Variants in CHRM3 observed in about 807,000 individuals in gnomAD.
CHRM3 encodes the protein cholinergic receptor muscarinic 3.
CHRM3 carries 11 observed loss-of-function variants against 41.8 expected under a neutral mutation model. That is an observed-to-expected ratio of 0.26 (90% CI 0.17 to 0.44). The LOEUF (loss-of-function observed/expected upper bound fraction) is 0.44. Ranked by LOEUF, CHRM3 falls within the 20% of genes least tolerant of loss-of-function variation. CHRM3 has a pLI of 1.00. For synonymous variants in CHRM3, 297 were observed against 301.4 expected, an observed-to-expected ratio of 0.99 and a Z score of 0.15; for missense variants, 571 against 745.4, an observed-to-expected ratio of 0.77 and a Z score of 2.72.
intron 4 of CHRM3, among the ~76,000 whole-genome samples, chr1:239,644,049 A>T (rs896490593): frequency 6.6e-6 from 1 of 152,246 alleles, no homozygotes; most frequent in Non-Finnish European, 1.5e-5. Flanking sequence ...AACAGCTATT[A>T]CTTTCTTTCA....
In CHRM3 at chr1:239,429,445, G is replaced by A. The variant is rs1421072616; in HGVS notation, c.-521+42218G>A. Among the ~76,000 whole-genome samples the A allele has an allele frequency of 3.9e-5, 6 of 152,152 alleles. No homozygotes were observed. The East Asian group carries it at 5.8e-4, about 15-fold the overall frequency. ...ATCTGTGATTTATTTCAATCTAATC[G>A]TGATTTACTATAATTCTGTACTTCA... On this transcript the variant is annotated intron_variant, in intron 1 of 6. Coordinates refer to ENST00000676153, the MANE Select transcript of CHRM3 (RefSeq NM_001375978.1).
chr1:239,509,934 C>T (rs531789497), intron 2 of CHRM3, among the ~76,000 whole-genome samples: 4 of 152,142 alleles, frequency 2.6e-5, no homozygotes, highest in African/African-American at 7.2e-5. Flanking sequence ...TTAAAAAATA[C>T]CAAAATTAAC....
At chr1:239,491,060 C>T (rs1667520597) in intron 1 of CHRM3, among the ~76,000 whole-genome samples, 1 of 152,014 alleles carries the variant, frequency 6.6e-6, no homozygotes, top group Non-Finnish European at 1.5e-5. Context: ...GTTTTTAATT[C>T]ACACATCATA....
intron 5 of CHRM3, among the ~76,000 whole-genome samples, chr1:239,692,110 A>C (rs905329987): frequency 4.6e-5 from 7 of 152,306 alleles, no homozygotes; most frequent in African/African-American, 1.7e-4. Context: ...CTTGAGCAAA[A>C]CAGTAATATC....
chr1:239,596,021 C>G (rs1360638556), intron 3 of CHRM3, among the ~76,000 whole-genome samples: 1 of 152,114 alleles, frequency 6.6e-6, no homozygotes, highest in African/African-American at 2.4e-5. Flanking sequence ...ACAAAATCCA[C>G]TTTTAAGTGT....
chr1:239,854,404 C>T (rs1674943341), intron 6 of CHRM3, among the ~76,000 whole-genome samples: 1 of 152,042 alleles, frequency 6.6e-6, no homozygotes, highest in Non-Finnish European at 1.5e-5. Flanking sequence ...CAACAAAAAA[C>T]AATCCTTCTG....
chr1:239,684,297 A>G (rs2149109695), intron 5 of CHRM3, among the ~76,000 whole-genome samples: 1 of 152,260 alleles, frequency 6.6e-6, no homozygotes, highest in Non-Finnish European at 1.5e-5. Context: ...CATGCACAGG[A>G]CAGTCCCCCA....
chr1:239,809,105 C>T (rs928504326), intron 5 of CHRM3, among the ~76,000 whole-genome samples: 7 of 150,972 alleles, frequency 4.6e-5, no homozygotes, highest in African/African-American at 7.3e-5. Flanking sequence ...CTGCAAGCTC[C>T]GCCTCCCGGG....
intron 2 of CHRM3, among the ~76,000 whole-genome samples, chr1:239,513,362 C>T (rs555005558): frequency 7.3e-4 from 111 of 151,982 alleles, no homozygotes; most frequent in Non-Finnish European, 1.4e-3. Context: ...GTTGTTTTAA[C>T]TTGGAATTTC....
At chr1:239,857,554 T>C (rs544698849) in intron 6 of CHRM3, among the ~76,000 whole-genome samples, 4 of 152,272 alleles carry the variant, frequency 2.6e-5, no homozygotes, top group African/African-American at 7.2e-5. Context: ...CTTTTTAAAG[T>C]TTATCTTATA....
At chr1:239,495,232 A>G (rs1472258112) in intron 2 of CHRM3, among the ~76,000 whole-genome samples, 1 of 152,188 alleles carries the variant, frequency 6.6e-6, no homozygotes, top group Admixed American at 6.6e-5. Context: ...GAAACCCACA[A>G]AAAGGAGGGT....
chr1:239,641,813 GT>G (rs1671188604), intron 4 of CHRM3, among the ~76,000 whole-genome samples: 1 of 127,918 alleles, frequency 7.8e-6, no homozygotes, highest in South Asian at 2.6e-4. Context: ...TCATTATGAT[GT>G]TAGCTGGTTA....
intron 1 of CHRM3, among the ~76,000 whole-genome samples, chr1:239,455,805 G>T (rs1664889597): frequency 1.3e-5 from 2 of 152,154 alleles, no homozygotes; most frequent in Admixed American, 1.3e-4. Flanking sequence ...TTAAATAAAT[G>T]TAGTGTAGCC....
At chr1:239,542,747 C>G (rs556431980) in intron 2 of CHRM3, among the ~76,000 whole-genome samples, 3 of 152,222 alleles carry the variant, frequency 2.0e-5, no homozygotes, top group Non-Finnish European at 4.4e-5. Flanking sequence ...CACTTAGCGG[C>G]CTTCTTATTT....
chr1:239,897,456 T>C (rs184749507), intron 6 of CHRM3, among the ~76,000 whole-genome samples: 1 of 152,360 alleles, frequency 6.6e-6, no homozygotes, highest in East Asian at 1.9e-4. Context: ...ACTAGATTTT[T>C]CATCAGAATA....
At chr1:239,711,337 A>G (rs919135194) in intron 5 of CHRM3, among the ~76,000 whole-genome samples, 2 of 151,902 alleles carry the variant, frequency 1.3e-5, no homozygotes, top group Non-Finnish European at 2.9e-5. Flanking sequence ...AGTCTTGAAC[A>G]TTACTCAGAG....
intron 3 of CHRM3, among the ~76,000 whole-genome samples, chr1:239,551,827 T>C (rs2148444822): frequency 6.6e-6 from 1 of 152,256 alleles, no homozygotes. Context: ...TGGCTGTAGA[T>C]AGGTAACTGT....
intron 5 of CHRM3, among the ~76,000 whole-genome samples, chr1:239,688,274 C>A (rs925871971): frequency 1.4e-5 from 2 of 146,130 alleles, no homozygotes; most frequent in African/African-American, 5.0e-5. Context: ...TACATATATA[C>A]ACATATATAT....
chr1:239,628,786 TG>T (rs1331955886), intron 3 of CHRM3, among the ~76,000 whole-genome samples: 5 of 49,950 alleles, frequency 1.0e-4, no homozygotes, highest in Non-Finnish European at 1.5e-4. Context: ...GTGCCCCTGC[TG>T]GGGGGTGCCT....
Sources: allele counts gnomAD v4.1 joint callset (sites outside exome capture counted in the v4.1 genomes callset), GRCh38; gene constraint gnomAD v4.1.1; transcripts MANE v1.5; gene names NCBI Gene and HGNC (gene_info 2026-07-23, HGNC 2026-07-21).